The following ITGA2 variants were observed in gnomAD, a reference collection of about 807,000 sequenced individuals.
ITGA2 encodes integrin alpha-2.
A neutral mutation model predicts 146.3 loss-of-function variants in ITGA2; 101 were observed. That is an observed-to-expected ratio of 0.69 (90% CI 0.59 to 0.81). The LOEUF (loss-of-function observed/expected upper bound fraction) is 0.81, where lower values mean the gene tolerates loss of function less well. Ranked by LOEUF, ITGA2 falls within the 40% of genes least tolerant of loss-of-function variation. The probability of loss-of-function intolerance (pLI) is 0.00; values close to 1 mark genes in which losing one functional copy is unlikely to be tolerated. For missense variants in ITGA2, 1,281 were observed against 1,402.7 expected (o/e 0.91, Z 1.39); for synonymous variants, 477 against 487.1 (o/e 0.98, Z 0.27).
chr5:52,994,875 T>C (rs1440899481), intron 1 of ITGA2, among the ~76,000 whole-genome samples: 2 of 152,174 alleles, frequency 1.3e-5, no homozygotes, highest in Non-Finnish European at 2.9e-5. Flanking sequence ...AGAGATATCA[T>C]TGTGATACAT....
Position 53,021,050 on chromosome 5 carries a change from CACAATTGTACTGTTTGTTGTGTT to C in ITGA2, c.65-5695_65-5673del, listed in dbSNP as rs1742659523. On this transcript the variant is annotated intron_variant, in intron 1 of 29. Coordinates refer to ENST00000296585, the MANE Select transcript of ITGA2 (RefSeq NM_002203.4). ...AATTTAAAAGCAGCTACATTACACTCACAATTGTACTGTTTGTTGTGTTACTATTCACATATATTTTACCTTTT... is the reference window on the plus strand; with the variant it reads ...AATTTAAAAGCAGCTACATTACACTCACTATTCACATATATTTTACCTTTT... Among the ~76,000 whole-genome samples the C allele has an allele frequency of 2.6e-5, 4 of 152,082 alleles. No individual in the cohort carries two copies. The South Asian group carries it at 8.3e-4, about 32-fold the overall frequency.
intron 13 of ITGA2, 104 bp from the exon 14 acceptor site, chr5:53,064,808 T>A (rs944974713): frequency 9.5e-7 from 1 of 1,051,120 alleles, no homozygotes; most frequent in African/African-American, 1.6e-5. Context: ...GCCTCTGGAG[T>A]CTTTGGGATT....
At chr5:53,032,071 A>G (rs1479972911) in intron 2 of ITGA2, among the ~76,000 whole-genome samples, 4 of 152,192 alleles carry the variant, frequency 2.6e-5, no homozygotes, top group East Asian at 3.9e-4. Context: ...GGGTATTTCC[A>G]GTTGTAGAAA....
chr5:53,036,598 T>C (rs2111861216), intron 2 of ITGA2, among the ~76,000 whole-genome samples: 1 of 152,254 alleles, frequency 6.6e-6, no homozygotes, highest in African/African-American at 2.4e-5. Context: ...TCCCTGACCA[T>C]TCCGATGAAG....
intron 7 of ITGA2, 59 bp from the exon 8 acceptor site, chr5:53,055,479 G>T (rs902194342): frequency 1.7e-5 from 25 of 1,497,226 alleles, no homozygotes; most frequent in Middle Eastern, 1.7e-4. Context: ...TAAACCAGAG[G>T]TTCTCATATT....
chr5:53,077,106 C>A (rs1205900485), intron 23 of ITGA2, among the ~76,000 whole-genome samples: 1 of 151,976 alleles, frequency 6.6e-6, no homozygotes, highest in Non-Finnish European at 1.5e-5. Flanking sequence ...CTCTTCTGTA[C>A]CTTGCATTTT....
At chr5:53,081,127 C>T (rs558344439) in intron 25 of ITGA2, among the ~76,000 whole-genome samples, 12 of 151,992 alleles carry the variant, frequency 7.9e-5, no homozygotes, top group Non-Finnish European at 1.6e-4. Context: ...TTTCTTTAAC[C>T]ACCCCCACTC....
In ITGA2 at chr5:53,093,124, A is replaced by G. The variant is rs1740514249; in HGVS notation, c.*2525A>G. 6.6e-6 allele frequency: 1 copy of G among 152,156 alleles called. No individual in the cohort carries two copies. The highest frequency in any genetic ancestry group is 6.6e-5 in the Admixed American group (1 of 15,266). The allele number at this position is 152,156 out of a possible 1,614,324, so 9.4% of individuals were successfully genotyped here. A position where few individuals can be genotyped will look rare whatever the true frequency, so the allele number is the denominator to read the frequency against. ...TGTCTCAAACAAACAAACAAAAAAAAAGTTAGTACTGTATATGTAAATACT... is the reference window on the plus strand; with the variant it reads ...TGTCTCAAACAAACAAACAAAAAAAGAGTTAGTACTGTATATGTAAATACT... On this transcript the variant is annotated 3_prime_UTR_variant, in exon 30 of 30. Coordinates refer to ENST00000296585, the MANE Select transcript of ITGA2 (RefSeq NM_002203.4).
intron 18 of ITGA2, 147 bp from the exon 19 acceptor site, chr5:53,072,466 T>C (rs1344719316): frequency 1.6e-5 from 11 of 671,294 alleles, no homozygotes; most frequent in Non-Finnish European, 2.4e-5. Flanking sequence ...AATGCTTTTC[T>C]TTATTATTTT....
chr5:53,013,093 T>A (rs994616688), intron 1 of ITGA2, among the ~76,000 whole-genome samples: 1 of 152,208 alleles, frequency 6.6e-6, no homozygotes, highest in African/African-American at 2.4e-5. Flanking sequence ...GTACAGAAGC[T>A]TTTTAGTTTA....
At chr5:53,042,049 C>A in intron 2 of ITGA2, 63 bp from the exon 3 acceptor site, 1 of 954,662 alleles carries the variant, frequency 1.0e-6, no homozygotes, top group South Asian at 1.3e-5. Context: ...TGTTTGTGAT[C>A]AGGTTTATCT....
intron 27 of ITGA2, among the ~76,000 whole-genome samples, chr5:53,085,428 G>A (rs181163216): frequency 5.9e-5 from 9 of 152,308 alleles, no homozygotes; most frequent in Non-Finnish European, 1.0e-4. Flanking sequence ...TTGTATGCCT[G>A]TGAGAAGGGC....
intron 7 of ITGA2, among the ~76,000 whole-genome samples, chr5:53,052,627 C>T (rs1384075378): frequency 6.6e-6 from 1 of 151,988 alleles, no homozygotes; most frequent in East Asian, 1.9e-4. Context: ...GCATGACCCT[C>T]TTCATCCCCC....
intron 10 of ITGA2, among the ~76,000 whole-genome samples, chr5:53,059,583 A>G (rs916325047): frequency 6.6e-6 from 1 of 151,924 alleles, no homozygotes; most frequent in Admixed American, 6.6e-5. Context: ...TATGCCTTTG[A>G]AAGGGAAATT....
At chr5:53,023,250 G>C (rs1742775430) in intron 1 of ITGA2, among the ~76,000 whole-genome samples, 1 of 152,302 alleles carries the variant, frequency 6.6e-6, no homozygotes, top group Non-Finnish European at 1.5e-5. Context: ...ATGACTCTCT[G>C]TGCCAGACTT....
At chr5:53,061,121 T>C in intron 12 of ITGA2, 75 bp downstream of exon 12, 2 of 1,450,920 alleles carry the variant, frequency 1.4e-6, no homozygotes, top group Admixed American at 3.4e-5. Flanking sequence ...TGAACAGAAA[T>C]GGAAAACAAC....
Position 53,061,012 on chromosome 5 carries a change from A to G in ITGA2, c.1424A>G (p.Asn475Ser), listed in dbSNP as rs763293160. The change falls in exon 12 of 30, where the codon AAT becomes AGT. Residue 475 changes from asparagine to serine, a missense_variant. This residue lies in a region of ITGA2 where 795 missense variants were observed against 841.7 expected (regional missense o/e 0.94). Transcript: ENST00000296585. ...IVLYSVNENG[N>S]ITVIQAHRGD... Reference sequence around the variant, plus strand: ...CTATATAGTGTGAATGAGAATGGCAATATCACGGTTATTCAGGCTCACCGA... The same window carrying G: ...CTATATAGTGTGAATGAGAATGGCAGTATCACGGTTATTCAGGCTCACCGA... The G allele has an allele frequency of 1.2e-5, 20 of 1,612,226 alleles. No homozygotes were observed. The highest frequency in any genetic ancestry group is 8.0e-5 in the African/African-American group (6 of 74,790).
At chr5:53,000,527 G>A (rs929966736) in intron 1 of ITGA2, among the ~76,000 whole-genome samples, 1 of 152,050 alleles carries the variant, frequency 6.6e-6, no homozygotes, top group African/African-American at 2.4e-5. Context: ...CCCTCCATAT[G>A]TCTGCCTACA....
At chr5:53,041,003 A>G (rs1379325261) in intron 2 of ITGA2, among the ~76,000 whole-genome samples, 2 of 152,074 alleles carry the variant, frequency 1.3e-5, no homozygotes, top group African/African-American at 2.4e-5. Flanking sequence ...ATCCTTTTGT[A>G]TCTACCGTAC....
Sources: allele counts gnomAD v4.1 joint callset (sites outside exome capture counted in the v4.1 genomes callset), GRCh38; gene constraint gnomAD v4.1.1; regional missense constraint gnomAD v4.1.1; transcripts MANE v1.5; gene names NCBI Gene and HGNC (gene_info 2026-07-23, HGNC 2026-07-21).